Variants in PSME3IP1 observed in about 807,000 individuals in gnomAD.
PSME3IP1 encodes proteasome activator subunit 3 interacting protein 1.
PSME3IP1 carries 13 observed loss-of-function variants against 34.1 expected under a neutral mutation model. The observed-to-expected ratio is 0.38, with a 90% CI of 0.25 to 0.61. The LOEUF (loss-of-function observed/expected upper bound fraction) is 0.61, where lower values mean the gene tolerates loss of function less well. Ranked by LOEUF, PSME3IP1 falls within the 20% of genes least tolerant of loss-of-function variation. The pLI, the probability that PSME3IP1 is intolerant of heterozygous loss-of-function variation, is 0.60. For missense variants in PSME3IP1, 237 were observed against 301.4 expected (o/e 0.79, Z 1.58); for synonymous variants, 93 against 114.3 (o/e 0.81, Z 1.19).
At chr16:57,168,455 G>A (rs1331901332) in intron 4 of PSME3IP1, among the ~76,000 whole-genome samples, 1 of 151,756 alleles carries the variant, frequency 6.6e-6, no homozygotes, top group Non-Finnish European at 1.5e-5. Flanking sequence ...TGAATTTAAT[G>A]TTTTTAGGGT....
chr16:57,162,212 A>T (rs1363695784), intron 6 of PSME3IP1, among the ~76,000 whole-genome samples: 3 of 152,190 alleles, frequency 2.0e-5, no homozygotes, highest in African/African-American at 7.2e-5. Flanking sequence ...TGTGATTATT[A>T]ATATAATGGT....
intron 1 of PSME3IP1, chr16:57,174,718 G>T: frequency 1.0e-6 from 1 of 982,684 alleles, no homozygotes; most frequent in South Asian, 4.7e-5. Context: ...CACAAACCAT[G>T]AATGGAGAAA....
chr16:57,159,024 C>T (rs1035590397), intron 6 of PSME3IP1, among the ~76,000 whole-genome samples: 6 of 152,094 alleles, frequency 3.9e-5, no homozygotes, highest in African/African-American at 1.4e-4. Flanking sequence ...ACCAAAATGG[C>T]GTTATGTGGC....
intron 4 of PSME3IP1, among the ~76,000 whole-genome samples, chr16:57,167,465 A>C (rs1271235693): frequency 1.3e-5 from 2 of 152,226 alleles, no homozygotes; most frequent in African/African-American, 4.8e-5. Flanking sequence ...ATTCTCAATG[A>C]AAATCTGAGC....
chr16:57,156,532 G>T (rs1240792802), intron 6 of PSME3IP1, among the ~76,000 whole-genome samples: 6 of 152,178 alleles, frequency 3.9e-5, no homozygotes, highest in Non-Finnish European at 7.3e-5. Context: ...TCTAAGAAGG[G>T]AAAAGGAAGT....
intron 1 of PSME3IP1, among the ~76,000 whole-genome samples, chr16:57,182,660 A>T (rs1171709186): frequency 7.7e-6 from 1 of 129,258 alleles, no homozygotes; most frequent in African/African-American, 3.1e-5. Context: ...CTGTAACCCT[A>T]GCACTCTGGG....
In PSME3IP1 at chr16:57,182,551, T is replaced by TAAAAA. The variant is rs10717048; in HGVS notation, c.-16+3265_-16+3269dup. 3.9e-3 allele frequency among the ~76,000 whole-genome samples: 297 copies of TAAAAA among 76,744 alleles called. 3 individuals are homozygous for TAAAAA. Among genetic ancestry groups the TAAAAA allele is most frequent in the African/African-American group, 0.014 (259 of 18,674 alleles). The allele number at this position is 76,744 out of a possible 152,430, so 50.3% of individuals were successfully genotyped here. On this transcript the variant is annotated intron_variant, in intron 1 of 6. Transcript: ENST00000309137. The stretch of plus-strand genomic sequence containing the variant: ...AACATAAGGAGATACCCATTTCCCT[T>TAAAAA]AAAAAAAAAAAAAAAAAAAAAAAAA...
intron 1 of PSME3IP1, among the ~76,000 whole-genome samples, chr16:57,182,632 T>G (rs1468552170): frequency 2.0e-5 from 3 of 147,794 alleles, no homozygotes; most frequent in Admixed American, 6.7e-5. Context: ...TTTTTTTTTT[T>G]GGCGCAGTGG....
chr16:57,176,260 T>C (rs1160889223), intron 1 of PSME3IP1, among the ~76,000 whole-genome samples: 3 of 152,214 alleles, frequency 2.0e-5, no homozygotes, highest in Admixed American at 6.5e-5. Context: ...AATTTCCCCC[T>C]TTCTTATCCC....
chr16:57,185,689 C>G (rs2074115365), intron 1 of PSME3IP1, 132 bp downstream of exon 1: 1 of 985,550 alleles, frequency 1.0e-6, no homozygotes, highest in Non-Finnish European at 1.2e-6. Flanking sequence ...TTCGGCTACT[C>G]CGGACAAGGA....
chr16:57,176,860 A>AT (rs201874057), intron 1 of PSME3IP1, among the ~76,000 whole-genome samples: 87 of 147,304 alleles, frequency 5.9e-4, no homozygotes, highest in South Asian at 8.5e-4. Context: ...TATATATATA[A>AT]TTTTTTTTTT....
At chr16:57,185,664 C>A in intron 1 of PSME3IP1, 157 bp downstream of exon 1, 1 of 985,558 alleles carries the variant, frequency 1.0e-6, no homozygotes, top group Middle Eastern at 5.2e-4. Flanking sequence ...CAGGCTGGGC[C>A]CGCAAGCCCC....
intron 5 of PSME3IP1, 59 bp from the exon 6 acceptor site, chr16:57,164,124 G>A: frequency 6.7e-7 from 1 of 1,488,368 alleles, no homozygotes. Context: ...AAAGCTTAGG[G>A]AATCAGGAGC....
At chr16:57,166,797 T>C (rs908651969) in intron 5 of PSME3IP1, among the ~76,000 whole-genome samples, 6 of 152,218 alleles carry the variant, frequency 3.9e-5, no homozygotes, top group Non-Finnish European at 8.8e-5. Flanking sequence ...TTGTACTTCA[T>C]AGGGTTGTTG....
At chr16:57,164,161 G>C in intron 5 of PSME3IP1, 96 bp from the exon 6 acceptor site, 1 of 1,037,770 alleles carries the variant, frequency 9.6e-7, no homozygotes, top group South Asian at 1.3e-5. Context: ...ATGGGTCTTA[G>C]GCAGTCTCAA....
chr16:57,185,714 T>G (rs1440322076), intron 1 of PSME3IP1, 107 bp downstream of exon 1: 1 of 985,346 alleles, frequency 1.0e-6, no homozygotes, highest in East Asian at 1.1e-4. Flanking sequence ...GTGCGCGGAC[T>G]GAGAACAGGC....
At chr16:57,177,637 C>T (rs2073313770) in intron 1 of PSME3IP1, among the ~76,000 whole-genome samples, 1 of 152,172 alleles carries the variant, frequency 6.6e-6, no homozygotes, top group Non-Finnish European at 1.5e-5. Flanking sequence ...CTCATCAGCT[C>T]TCAGTGGGTT....
chr16:57,180,047 C>T (rs1008722035), intron 1 of PSME3IP1, among the ~76,000 whole-genome samples: 35 of 152,256 alleles, frequency 2.3e-4, no homozygotes, highest in African/African-American at 8.2e-4. Context: ...TAACAGAGAG[C>T]CCGCTGTTAG....
chr16:57,180,351 AG>A (rs373932798), intron 1 of PSME3IP1, among the ~76,000 whole-genome samples: 5,123 of 152,316 alleles, frequency 0.034, 130 homozygotes, highest in Non-Finnish European at 0.047. Context: ...GCACTTTGGG[AG>A]GCTGAGGCAG....
Sources: gnomAD v4.1 joint callset for allele counts (sites outside exome capture counted in the v4.1 genomes callset) on GRCh38, gnomAD v4.1.1 for gene constraint, MANE v1.5 for transcripts, NCBI Gene and HGNC (gene_info 2026-07-23, HGNC 2026-07-21) for gene names.